CCDC66: variants seen among roughly 807,000 people sequenced by gnomAD.
CCDC66 encodes coiled-coil domain-containing protein 66.
Under a neutral mutation model 128.3 loss-of-function variants are expected in CCDC66, and 133 were observed. The observed-to-expected ratio is 1.04, with a 90% CI of 0.90 to 1.20. The LOEUF (loss-of-function observed/expected upper bound fraction) is 1.20, where lower values mean the gene tolerates loss of function less well. CCDC66 is among the 50% of genes most tolerant of loss of function. CCDC66 has a pLI of 0.00. For missense variants in CCDC66, 1,126 were observed against 1,075.5 expected, an observed-to-expected ratio of 1.05 and a Z score of -0.66; for synonymous variants, 387 against 357.0, an observed-to-expected ratio of 1.08 and a Z score of -0.95.
intron 10 of CCDC66, among the ~76,000 whole-genome samples, chr3:56,604,908 A>G (rs1360595610): frequency 1.3e-5 from 2 of 151,742 alleles, no homozygotes; most frequent in Non-Finnish European, 2.9e-5. Context: ...AGGTACACTA[A>G]TCAAACGTAG....
chr3:56,615,067 G>T, intron 11 of CCDC66, 61 bp from the exon 12 acceptor site: 1 of 1,547,868 alleles, frequency 6.5e-7, no homozygotes, highest in Non-Finnish European at 8.8e-7. Flanking sequence ...TTTACTGAGA[G>T]GAAATAGTCA....
At chr3:56,577,853 G>T (rs908026084) in intron 7 of CCDC66, among the ~76,000 whole-genome samples, 1 of 151,816 alleles carries the variant, frequency 6.6e-6, no homozygotes, top group African/African-American at 2.4e-5. Flanking sequence ...GAGACAGCAT[G>T]ATGCCTCCAG....
chr3:56,566,916 T>TA, intron 5 of CCDC66, 34 bp from the exon 6 acceptor site: 1 of 1,558,074 alleles, frequency 6.4e-7, no homozygotes, highest in East Asian at 2.2e-5. Context: ...AAATGTATGA[T>TA]ACAGTTTCTG....
chr3:56,565,909 G>A lies in CCDC66; in HGVS notation c.545-685G>A, dbSNP rs545822837. 1.8e-4 allele frequency among the ~76,000 whole-genome samples: 27 copies of A among 152,174 alleles called. No homozygotes were observed. The South Asian group carries it at 4.1e-3, about 23-fold the overall frequency. ...TCTCGATCTCCTGACCTCGTGATCC[G>A]CCCACCTTGGCCTCCCAAAGTGCTG... On this transcript the variant is annotated intron_variant, in intron 4 of 17. Coordinates refer to ENST00000394672, the MANE Select transcript of CCDC66 (RefSeq NM_001141947.3).
At chr3:56,601,564 A>G (rs536439018) in intron 10 of CCDC66, among the ~76,000 whole-genome samples, 1 of 152,180 alleles carries the variant, frequency 6.6e-6, no homozygotes, top group South Asian at 2.1e-4. Flanking sequence ...TACTTTGGGC[A>G]ATATGGTCAT....
At position 56,616,032 on chromosome 3, in the gene CCDC66, A is replaced by G. The variant is rs368113526; in HGVS notation, c.1822A>G (p.Lys608Glu). The G allele has an allele frequency of 2.0e-5, 32 of 1,595,436 alleles. No individual in the cohort carries two copies. Among genetic ancestry groups the G allele is most frequent in the African/African-American group, 5.4e-5 (4 of 73,920 alleles). Reference sequence around the variant, plus strand: ...ATATATGAATTCTACGACTTCTAAGAAGGATACTGGTGTGCAAACAGGTAT... The same window carrying G: ...ATATATGAATTCTACGACTTCTAAGGAGGATACTGGTGTGCAAACAGGTAT... ...NTYMNSTTSK[K>E]DTGVQTDDLN... The change falls in exon 13 of 18, where the codon AAG becomes GAG. Residue 608 changes from lysine to glutamate, a missense_variant. Coordinates refer to ENST00000394672, the MANE Select transcript of CCDC66 (RefSeq NM_001141947.3).
Position 56,618,197 on chromosome 3 carries a change from C to T in CCDC66, c.2363C>T (p.Ser788Leu), listed in dbSNP as rs763856166. ...KKEEEPLNIH[S>L]FSKERSPSSP... is the part of the protein sequence containing the mutation. The stretch of plus-strand genomic sequence containing the variant: ...GAAGAAGAGCCTCTGAATATTCATT[C>T]ATTCAGCAAGGAAAGGTAAGTATGC... The change falls in exon 15 of 18, where the codon TCA becomes TTA. Residue 788 changes from serine (S) to leucine (L), a missense_variant. Transcript: ENST00000394672. The T allele has an allele frequency of 2.5e-6, 4 of 1,612,896 alleles. No homozygotes were observed. In the African/African-American group the frequency reaches 4.0e-5, roughly 16 times the overall value.
chr3:56,563,393 G>GA (rs34569651), intron 3 of CCDC66: 395 of 193,840 alleles, frequency 2.0e-3, no homozygotes, highest in East Asian at 0.012. Context: ...TTTTTTAATT[G>GA]AAAAAAAAAA....
At chr3:56,561,332 C>T (rs1361870223) in intron 3 of CCDC66, 1 of 454,194 alleles carries the variant, frequency 2.2e-6, no homozygotes, top group Non-Finnish European at 4.4e-6. Context: ...TCTGAAGATC[C>T]CCTTTATAGG....
In CCDC66 at chr3:56,584,972, G is replaced by A. The variant is rs548792319; in HGVS notation, c.937-7998G>A. Among the ~76,000 whole-genome samples the A allele has an allele frequency of 5.5e-4, 84 of 152,018 alleles. 3 individuals are homozygous for A. The South Asian group carries it at 0.017, about 30-fold the overall frequency. ...TCAGGCGTGGCGGCACACGCCTGCA[G>A]TCGCAGGCACTCGGCAGGCTGAGGC... is the stretch of plus-strand genomic sequence containing the variant. On this transcript the variant is annotated intron_variant, in intron 7 of 17. Transcript: ENST00000394672.
intron 7 of CCDC66, among the ~76,000 whole-genome samples, chr3:56,590,288 A>G (rs769924906): frequency 7.9e-5 from 12 of 152,224 alleles, no homozygotes; most frequent in Non-Finnish European, 1.5e-4. Flanking sequence ...GTAGTGGACC[A>G]TTTGAAAAGC....
intron 7 of CCDC66, among the ~76,000 whole-genome samples, chr3:56,581,680 C>T (rs994609732): frequency 1.3e-5 from 2 of 151,842 alleles, no homozygotes; most frequent in Non-Finnish European, 2.9e-5. Flanking sequence ...TGGAGGTCCA[C>T]TCCAGATCCT....
intron 13 of CCDC66, 114 bp downstream of exon 13, chr3:56,616,167 G>T: frequency 1.1e-6 from 1 of 907,484 alleles, no homozygotes; most frequent in Non-Finnish European, 1.7e-6. Context: ...GAGGTTTTCA[G>T]TAAGAGTTAC....
chr3:56,598,620 A>G (rs368591867), intron 10 of CCDC66, among the ~76,000 whole-genome samples: 1 of 152,066 alleles, frequency 6.6e-6, no homozygotes, highest in South Asian at 2.1e-4. Context: ...AGTTTTTATT[A>G]TTTAGTGATG....
chr3:56,603,275 C>T (rs983000537), intron 10 of CCDC66, among the ~76,000 whole-genome samples: 3 of 152,002 alleles, frequency 2.0e-5, no homozygotes, highest in Non-Finnish European at 4.4e-5. Context: ...GGTTTCGTGT[C>T]TGTATCTCCT....
chr3:56,557,365 A>C, intron 1 of CCDC66, 112 bp downstream of exon 1: 1 of 1,399,168 alleles, frequency 7.1e-7, no homozygotes, highest in Non-Finnish European at 9.6e-7. Context: ...AACGTTCCCA[A>C]CCTGCGCCGC....
At chr3:56,569,802 A>G (rs2066385642) in intron 6 of CCDC66, 1 of 152,220 alleles carries the variant, frequency 6.6e-6, no homozygotes, top group Non-Finnish European at 1.5e-5. Context: ...CTACTTGGAA[A>G]TGACCAGAAT....
At chr3:56,583,591 T>C (rs933963654) in intron 7 of CCDC66, among the ~76,000 whole-genome samples, 2 of 151,882 alleles carry the variant, frequency 1.3e-5, no homozygotes, top group South Asian at 4.1e-4. Context: ...ACACAGCACA[T>C]GTTTCAGAGA....
chr3:56,589,787 A>G (rs941401623), intron 7 of CCDC66, among the ~76,000 whole-genome samples: 1 of 152,188 alleles, frequency 6.6e-6, no homozygotes, highest in African/African-American at 2.4e-5. Flanking sequence ...CATCCAGCAT[A>G]TATTTTTAAA....
Sources: gnomAD v4.1 joint callset for allele counts (sites outside exome capture counted in the v4.1 genomes callset) on GRCh38, gnomAD v4.1.1 for gene constraint, MANE v1.5 for transcripts, NCBI Gene and HGNC (gene_info 2026-07-23, HGNC 2026-07-21) for gene names.